Variants in SLC30A6 observed in about 807,000 individuals in gnomAD.
SLC30A6 encodes the protein zinc transporter 6.
SLC30A6 carries 55 observed loss-of-function variants against 63.0 expected under a neutral mutation model. The observed-to-expected ratio is 0.87, with a 90% CI of 0.70 to 1.09. The LOEUF is 1.09. Ranked by LOEUF, SLC30A6 falls within the 50% of genes least tolerant of loss-of-function variation. The probability of loss-of-function intolerance (pLI) is 0.00; values close to 1 mark genes in which losing one functional copy is unlikely to be tolerated. For synonymous variants in SLC30A6, 224 were observed against 186.1 expected, an observed-to-expected ratio of 1.20 and a Z score of -1.66; for missense variants, 587 against 549.2, an observed-to-expected ratio of 1.07 and a Z score of -0.69.
intron 1 of SLC30A6, among the ~76,000 whole-genome samples, chr2:32,169,061 T>C (rs1384924563): frequency 6.6e-6 from 1 of 152,128 alleles, no homozygotes; most frequent in Non-Finnish European, 1.5e-5. Flanking sequence ...TTAAGGAGAA[T>C]TTTTTAAATC....
intron 13 of SLC30A6, among the ~76,000 whole-genome samples, chr2:32,215,514 A>ATT (rs1416935249): frequency 5.3e-4 from 48 of 90,656 alleles, no homozygotes; most frequent in Middle Eastern, 5.9e-3. Context: ...ATATATATAT[A>ATT]TATTTTTTTT....
At chr2:32,180,075 T>A (rs534753248) in intron 4 of SLC30A6, among the ~76,000 whole-genome samples, 32 of 152,002 alleles carry the variant, frequency 2.1e-4, no homozygotes, top group Non-Finnish European at 3.8e-4. Context: ...AGAGCTATGA[T>A]CTTAGCACTG....
intron 11 of SLC30A6, 77 bp from the exon 12 acceptor site, chr2:32,206,809 G>A: frequency 9.1e-7 from 1 of 1,104,712 alleles, no homozygotes; most frequent in African/African-American, 1.5e-5. Context: ...AATCCTTTTG[G>A]GGAGGGGGTT....
At chr2:32,203,888 G>A (rs976020631) in intron 10 of SLC30A6, 15 of 965,364 alleles carry the variant, frequency 1.6e-5, no homozygotes, top group African/African-American at 3.2e-5. Context: ...TCTGGCAGCC[G>A]GTCAGTTAGA....
chr2:32,220,332 C>T lies in SLC30A6; in HGVS notation c.1005C>T (p.Asp335=), dbSNP rs142905530. The T allele has an allele frequency of 7.4e-5, 119 of 1,614,046 alleles. No individual in the cohort carries two copies. The African/African-American group carries it at 1.5e-3, about 20-fold the overall frequency. ...STLTVQIFKD[D]WIRPALLSGP... ...TAACTGTTCAAATTTTCAAGGATGACTGGATTAGGCCTGCCTTATTGTCTG... is the reference window on the plus strand; with the variant it reads ...TAACTGTTCAAATTTTCAAGGATGATTGGATTAGGCCTGCCTTATTGTCTG... Residue 335 remains aspartate (D), a synonymous_variant, in exon 14 of 14, where the codon GAC becomes GAT. Coordinates refer to ENST00000282587, the MANE Select transcript of SLC30A6 (RefSeq NM_017964.5).
intron 13 of SLC30A6, among the ~76,000 whole-genome samples, chr2:32,216,741 A>AT (rs1028728483): frequency 8.6e-5 from 13 of 150,490 alleles, no homozygotes; most frequent in Non-Finnish European, 1.2e-4. Context: ...TTTTTTTCCC[A>AT]TTTTTTAATG....
chr2:32,200,603 A>G (rs984842440), intron 10 of SLC30A6, among the ~76,000 whole-genome samples: 1 of 151,124 alleles, frequency 6.6e-6, no homozygotes, highest in African/African-American at 2.4e-5. Flanking sequence ...TCAGGGTTAA[A>G]TGGATTAAGG....
At chr2:32,171,173 T>C (rs1007060296) in intron 1 of SLC30A6, 114 bp from the exon 2 acceptor site, 1 of 740,334 alleles carries the variant, frequency 1.4e-6, no homozygotes, top group African/African-American at 1.8e-5. Flanking sequence ...TGATGTATAT[T>C]GAGTACTTAA....
At chr2:32,218,746 G>A (rs113021622) in intron 13 of SLC30A6, among the ~76,000 whole-genome samples, 1,633 of 152,202 alleles carry the variant, frequency 0.011, 39 homozygotes, top group African/African-American at 0.036. Flanking sequence ...TAGTAGAGAC[G>A]TGATTTCGCC....
In SLC30A6 at chr2:32,221,128, A is replaced by G; in HGVS notation, c.*415A>G. The G allele has an allele frequency of 4.7e-6, 1 of 211,254 alleles. No homozygotes were observed. The highest frequency in any genetic ancestry group is 9.5e-6 in the Non-Finnish European group (1 of 105,662). The allele number at this position is 211,254 out of a possible 1,614,324, so 13.1% of individuals were successfully genotyped here. On this transcript the variant is annotated 3_prime_UTR_variant, in exon 14 of 14. Coordinates refer to ENST00000282587, the MANE Select transcript of SLC30A6 (RefSeq NM_017964.5). ...CGGCCAATACATTATTATTAACTTA[A>G]GGCTGTACTTTATTAAGGCTTCCTT...
In SLC30A6 at chr2:32,204,572, A is replaced by G. The variant is rs369234094; in HGVS notation, c.666-18A>G. ...GTGAGATATAAATTTAAAATTTAGA[A>G]TTGTTTTTTCCTTTTAGTAATTATT... On this transcript the variant is annotated intron_variant, in intron 10 of 13. Coordinates refer to ENST00000282587, the MANE Select transcript of SLC30A6 (RefSeq NM_017964.5). 19 of 1,560,232 alleles carry G rather than the reference A, an allele frequency of 1.2e-5. No individual in the cohort carries two copies. The African/African-American group carries it at 2.2e-4, about 18-fold the overall frequency.
At position 32,188,789 on chromosome 2, in the gene SLC30A6, C is replaced by A. The variant is rs1451637991; in HGVS notation, c.285-3547C>A. 2.0e-5 allele frequency among the ~76,000 whole-genome samples: 3 copies of A among 152,210 alleles called. No individual in the cohort carries two copies. In the East Asian group the frequency reaches 5.8e-4, roughly 29 times the overall value. ...AGAAATGAATACATTTGTATAGTTA[C>A]TATCTGGATCATGATATAGAACATT... On this transcript the variant is annotated intron_variant, in intron 5 of 13. Transcript: ENST00000282587.
rs143371427 is a variant in SLC30A6 at position 32,220,040 on chromosome 2, T to A, written c.886-173T>A. ...TTTAAAGATTCACAAATTATTTAACTCATTACAATGATAATCACCAGCAAG... is the reference window on the plus strand; with the variant it reads ...TTTAAAGATTCACAAATTATTTAACACATTACAATGATAATCACCAGCAAG... On this transcript the variant is annotated intron_variant, in intron 13 of 13. Transcript: ENST00000282587. Among the ~76,000 whole-genome samples the A allele has an allele frequency of 6.3e-4, 96 of 152,334 alleles. 1 individual carries two copies. In the East Asian group the frequency reaches 0.012, roughly 19 times the overall value.
At chr2:32,171,953 C>A (rs1468178051) in intron 2 of SLC30A6, among the ~76,000 whole-genome samples, 5 of 152,164 alleles carry the variant, frequency 3.3e-5, no homozygotes, top group African/African-American at 1.2e-4. Flanking sequence ...CTCGGCCTCC[C>A]AAAGTGCTGG....
chr2:32,202,012 TTGA>T (rs1301871872), intron 10 of SLC30A6: 2 of 1,200,272 alleles, frequency 1.7e-6, no homozygotes, highest in Non-Finnish European at 2.4e-6. Flanking sequence ...GAATGAGATA[TTGA>T]TGAATATGAA....
intron 1 of SLC30A6, among the ~76,000 whole-genome samples, chr2:32,167,801 G>A (rs575078241): frequency 1.1e-4 from 17 of 152,274 alleles, no homozygotes; most frequent in Admixed American, 3.9e-4. Context: ...AAATTCAGAG[G>A]TCTTTCAGAT....
At chr2:32,197,925 C>G in intron 10 of SLC30A6, 99 bp downstream of exon 10, 1 of 1,403,834 alleles carries the variant, frequency 7.1e-7, no homozygotes, top group Non-Finnish European at 9.7e-7. Flanking sequence ...CTAGCAGTTT[C>G]GCTTATGTCC....
chr2:32,184,625 C>A (rs542907628), intron 5 of SLC30A6, among the ~76,000 whole-genome samples: 1 of 151,956 alleles, frequency 6.6e-6, no homozygotes, highest in Admixed American at 6.6e-5. Context: ...ATTAGCCAGG[C>A]GTGGTGGCAT....
chr2:32,173,179 T>G (rs766039043), intron 2 of SLC30A6, among the ~76,000 whole-genome samples: 1 of 152,224 alleles, frequency 6.6e-6, no homozygotes, highest in Non-Finnish European at 1.5e-5. Flanking sequence ...CAAACCTACT[T>G]GAAAGAATTA....
Sources: gnomAD v4.1 joint callset for allele counts (sites outside exome capture counted in the v4.1 genomes callset) on GRCh38, gnomAD v4.1.1 for gene constraint, MANE v1.5 for transcripts, NCBI Gene and HGNC (gene_info 2026-07-23, HGNC 2026-07-21) for gene names.